The following ACYP2 variants were observed in gnomAD, a reference collection of about 807,000 sequenced individuals.
ACYP2 encodes acylphosphatase 2.
A neutral mutation model predicts 11.2 loss-of-function variants in ACYP2; 12 were observed. The ratio of observed to expected loss-of-function variants is 1.08; its 90% CI spans 0.69 to 1.74. The LOEUF is 1.74. Among genes scored for constraint, ACYP2 ranks in the 40% most tolerant of loss-of-function variants. ACYP2 has a pLI of 0.00. For missense variants in ACYP2, 134 were observed against 101.9 expected (o/e 1.31, Z -1.35); for synonymous variants, 43 against 32.2 (o/e 1.33, Z -1.13).
At chr2:53,991,182 ATT>A (rs1453454077) in intron 2 of ACYP2, among the ~76,000 whole-genome samples, 1 of 152,150 alleles carries the variant, frequency 6.6e-6, no homozygotes, top group Non-Finnish European at 1.5e-5. Context: ...AGATGTTGTG[ATT>A]TTATAATTTT....
At chr2:54,194,625 A>G in intron 6 of ACYP2, among the ~76,000 whole-genome samples, 1 of 152,134 alleles carries the variant, frequency 6.6e-6, no homozygotes, top group Non-Finnish European at 1.5e-5. Flanking sequence ...CATCAACATC[A>G]AAGACTATGT....
intron 2 of ACYP2, among the ~76,000 whole-genome samples, chr2:53,999,707 C>G (rs1672719334): frequency 6.6e-6 from 1 of 152,164 alleles, no homozygotes; most frequent in African/African-American, 2.4e-5. Context: ...TTTTCCATAA[C>G]AATGATTTTC....
chr2:54,068,671 T>G (rs1319519264), intron 4 of ACYP2, among the ~76,000 whole-genome samples: 4 of 152,156 alleles, frequency 2.6e-5, no homozygotes, highest in African/African-American at 9.6e-5. Flanking sequence ...TCTCTTTTTG[T>G]TTTTGCTAAA....
At chr2:53,981,686 G>C (rs1671770135) in intron 2 of ACYP2, among the ~76,000 whole-genome samples, 1 of 152,068 alleles carries the variant, frequency 6.6e-6, no homozygotes, top group African/African-American at 2.4e-5. Flanking sequence ...TTTAGATTTA[G>C]TTCTAGGAAG....
chr2:54,185,008 G>C (rs1683912195), intron 6 of ACYP2, among the ~76,000 whole-genome samples: 1 of 151,944 alleles, frequency 6.6e-6, no homozygotes, highest in Non-Finnish European at 1.5e-5. Context: ...ACCACGCCTG[G>C]CTTATTTTTT....
At chr2:54,133,960 A>G (rs1277180741) in intron 4 of ACYP2, among the ~76,000 whole-genome samples, 1 of 152,230 alleles carries the variant, frequency 6.6e-6, no homozygotes, top group Non-Finnish European at 1.5e-5. Context: ...TAAGCAAAGT[A>G]TAGGATACCA....
intron 6 of ACYP2, among the ~76,000 whole-genome samples, chr2:54,232,703 A>C (rs1421213094): frequency 2.0e-5 from 3 of 152,172 alleles, no homozygotes; most frequent in Admixed American, 2.0e-4. Flanking sequence ...ACGTACAATC[A>C]TGGCAGAAGG....
intron 6 of ACYP2, among the ~76,000 whole-genome samples, chr2:54,217,372 G>C (rs1190160346): frequency 6.6e-6 from 1 of 151,930 alleles, no homozygotes; most frequent in Non-Finnish European, 1.5e-5. Flanking sequence ...TTTTTTGTTT[G>C]TTTGTTTGTT....
At chr2:54,293,070 T>G (rs551661503) in intron 6 of ACYP2, among the ~76,000 whole-genome samples, 1 of 152,318 alleles carries the variant, frequency 6.6e-6, no homozygotes, top group African/African-American at 2.4e-5. Context: ...CTTTACAGAT[T>G]ATTTTATTTA....
At chr2:54,128,307 A>G (rs545468752) in intron 4 of ACYP2, among the ~76,000 whole-genome samples, 2 of 152,318 alleles carry the variant, frequency 1.3e-5, no homozygotes, top group Admixed American at 6.5e-5. Flanking sequence ...CGTGTTTTGT[A>G]TCACTGGAGG....
intron 2 of ACYP2, among the ~76,000 whole-genome samples, chr2:54,002,181 C>T (rs1162766183): frequency 1.3e-5 from 2 of 152,196 alleles, no homozygotes; most frequent in African/African-American, 2.4e-5. Context: ...TCTCCCTTAA[C>T]ACCTGGCAAC....
chr2:54,227,695 G>T (rs1305234603), intron 6 of ACYP2, among the ~76,000 whole-genome samples: 1 of 151,934 alleles, frequency 6.6e-6, no homozygotes, highest in Non-Finnish European at 1.5e-5. Context: ...AATACTCTTT[G>T]TGATAAAGCC....
At chr2:54,236,811 A>T (rs115051277) in intron 6 of ACYP2, among the ~76,000 whole-genome samples, 1,545 of 152,264 alleles carry the variant, frequency 0.01, 9 homozygotes, top group Middle Eastern at 0.027. Flanking sequence ...TGTTTTGTCA[A>T]TGTTGTTTAA....
intron 4 of ACYP2, among the ~76,000 whole-genome samples, chr2:54,060,843 T>C (rs1203145968): frequency 6.6e-6 from 1 of 152,212 alleles, no homozygotes; most frequent in East Asian, 1.9e-4. Flanking sequence ...CTTCTTTTGC[T>C]TGGTAACGTT....
At chr2:54,205,422 T>G (rs1323565079) in intron 6 of ACYP2, among the ~76,000 whole-genome samples, 1 of 152,170 alleles carries the variant, frequency 6.6e-6, no homozygotes, top group Non-Finnish European at 1.5e-5. Context: ...TGTCCTTGGT[T>G]TCTCACAAAA....
chr2:54,186,499 T>C (rs1684003437), intron 6 of ACYP2, among the ~76,000 whole-genome samples: 1 of 152,084 alleles, frequency 6.6e-6, no homozygotes, highest in African/African-American at 2.4e-5. Flanking sequence ...ATAAATAGCA[T>C]TTTGTTGTTG....
chr2:54,119,303 C>T (rs9973583), intron 4 of ACYP2, among the ~76,000 whole-genome samples: 7,755 of 151,946 alleles, frequency 0.051, 608 homozygotes, highest in African/African-American at 0.17. Context: ...GCAAGCCTCC[C>T]ACCTCGGCCT....
At chr2:54,143,194 G>A (rs1394825168) in intron 6 of ACYP2, 1 of 152,164 alleles carries the variant, frequency 6.6e-6, no homozygotes, top group African/African-American at 2.4e-5. Flanking sequence ...TAGCAGGCAT[G>A]CCTGTTTGGT....
intron 6 of ACYP2, among the ~76,000 whole-genome samples, chr2:54,274,511 C>T (rs1688459373): frequency 6.6e-6 from 1 of 151,016 alleles, no homozygotes; most frequent in South Asian, 2.1e-4. Context: ...TACGGTGGTG[C>T]ACACCTGTGG....
Sources: allele counts gnomAD v4.1 joint callset (sites outside exome capture counted in the v4.1 genomes callset), GRCh38; gene constraint gnomAD v4.1.1; transcripts MANE v1.5; gene names NCBI Gene and HGNC (gene_info 2026-07-23, HGNC 2026-07-21).